PDGFA: variants seen among roughly 807,000 people sequenced by gnomAD.
The protein encoded by PDGFA is platelet-derived growth factor subunit A.
PDGFA carries 9 observed loss-of-function variants against 25.6 expected under a neutral mutation model. The observed-to-expected ratio is 0.35, with a 90% CI of 0.21 to 0.61. The LOEUF is 0.61. PDGFA is among the 20% of genes least tolerant of loss of function. The pLI is 0.75. For synonymous variants in PDGFA, 133 were observed against 111.8 expected, an observed-to-expected ratio of 1.19 and a Z score of -1.20; for missense variants, 242 against 272.8, an observed-to-expected ratio of 0.89 and a Z score of 0.79.
chr7:500,032 A>C lies in PDGFA; in HGVS notation c.580+1084T>G, dbSNP rs1296126831. 6.6e-6 allele frequency among the ~76,000 whole-genome samples: 1 copy of C among 152,200 alleles called. No individual in the cohort carries two copies. Among genetic ancestry groups the C allele is most frequent in the African/African-American group, 2.4e-5 (1 of 41,454 alleles). ...TTTCCAGATATATTCAGCCTCCAAC[A>C]GTCCTTATCTGTAATCTCAGTTAAG... On this transcript the variant is annotated intron_variant, in intron 5 of 5. Transcript: ENST00000402802. This position sits in a 1 kb window ranked among gnomAD's most constrained non-coding sequence, Gnocchi z 5.0.
intron 4 of PDGFA, 97 bp downstream of exon 4, chr7:510,712 G>A (rs1583151209): frequency 2.2e-6 from 1 of 459,850 alleles, no homozygotes; most frequent in Non-Finnish European, 3.8e-6. Context: ...GGGTGGGGAG[G>A]GGAGGGGAGG....
intron 4 of PDGFA, among the ~76,000 whole-genome samples, chr7:502,941 G>T (rs1312805511): frequency 6.6e-6 from 1 of 152,156 alleles, no homozygotes; most frequent in East Asian, 1.9e-4. Context: ...AATGTACACA[G>T]GGGCCCCATC....
At chr7:498,312 CTCTCTCTCTT>C (rs1782185926) in exon 6 of PDGFA, 7 of 484,090 alleles carry the variant, frequency 1.4e-5, no homozygotes, top group Admixed American at 3.6e-5. Context: ...GTTTTGTTTT[CTCTCTCTCTT>C]TCTCTCTCTC....
At chr7:501,600 T>G (rs1219316813) in intron 4 of PDGFA, among the ~76,000 whole-genome samples, 1 of 152,014 alleles carries the variant, frequency 6.6e-6, no homozygotes, top group African/African-American at 2.4e-5. Context: ...ATTTTTTTTG[T>G]GTGGAAGAGA....
chr7:513,644 T>C (rs4072009), intron 2 of PDGFA, among the ~76,000 whole-genome samples: 105,692 of 151,682 alleles, frequency 0.7, 38,269 homozygotes, highest in Non-Finnish European at 0.81. Context: ...CGGTCACCAA[T>C]CCAGACGGCT....
intron 2 of PDGFA, chr7:512,717 C>T: frequency 1.5e-6 from 2 of 1,346,346 alleles, no homozygotes; most frequent in Non-Finnish European, 1.9e-6. Context: ...ATTCAGGGGC[C>T]CGTGACGAAG....
chr7:511,066 G>A (rs1396947706), intron 3 of PDGFA, 70 bp from the exon 4 acceptor site: 33 of 1,280,548 alleles, frequency 2.6e-5, no homozygotes, highest in East Asian at 4.8e-5. Flanking sequence ...GGGCTGAGGC[G>A]GCTCCAGCTG....
intron 1 of PDGFA, chr7:518,618 C>T (rs1328429975): frequency 1.5e-5 from 5 of 325,450 alleles, no homozygotes; most frequent in Non-Finnish European, 5.6e-6. Context: ...CTTCCCCGCT[C>T]CCCGCACCCC....
Position 500,637 on chromosome 7 carries a change from GT to G in PDGFA, c.580+478del. ...CACCCTGGCACCGAGAAACTTCTGA[GT>G]CCCCTCATGCTCCCAGGGCCCAGCC... is the stretch of plus-strand genomic sequence containing the variant. On this transcript the variant is annotated intron_variant, in intron 5 of 5. Coordinates refer to ENST00000402802, the Ensembl canonical transcript of PDGFA. The surrounding 1 kb of genome is among the most constrained non-coding windows in gnomAD (Gnocchi z 5.0). The G allele has an allele frequency of 6.7e-7, 1 of 1,490,712 alleles. No individual in the cohort carries two copies. Among genetic ancestry groups the G allele is most frequent in the East Asian group, 2.4e-5 (1 of 40,952 alleles). The allele number at this position is 1,490,712 out of a possible 1,614,324, so 92.3% of individuals were successfully genotyped here.
chr7:514,299 AC>A (rs1358436523), intron 2 of PDGFA, among the ~76,000 whole-genome samples: 1 of 151,996 alleles, frequency 6.6e-6, no homozygotes, highest in Non-Finnish European at 1.5e-5. Flanking sequence ...GTGCCCCGCC[AC>A]CCTCTAGCCC....
At chr7:519,906 CCG>C (rs1562495866), upstream of PDGFA, 1 of 31,954 alleles carries the variant, frequency 3.1e-5, no homozygotes, top group African/African-American at 1.0e-4. Context: ...TCCCCCGCCC[CCG>C]CCCCCGCCCC....
chr7:505,771 G>A (rs576176587), intron 4 of PDGFA, among the ~76,000 whole-genome samples: 7 of 152,142 alleles, frequency 4.6e-5, no homozygotes, highest in Admixed American at 1.3e-4. Flanking sequence ...CCTCTTTCAC[G>A]GAAAGAAAGC....
chr7:519,999 C>T (rs1783304636), upstream of PDGFA: 2 of 370,118 alleles, frequency 5.4e-6, no homozygotes, highest in Non-Finnish European at 1.1e-5. Context: ...CGGCAGGGCC[C>T]GGGCGCCGCC....
intron 4 of PDGFA, among the ~76,000 whole-genome samples, chr7:507,733 C>T (rs1782620726): frequency 6.6e-6 from 1 of 152,174 alleles, no homozygotes; most frequent in Admixed American, 6.5e-5. Context: ...AGGGAGGATG[C>T]CAAGGCCCAC....
At chr7:501,743 G>A (rs910477844) in intron 4 of PDGFA, among the ~76,000 whole-genome samples, 1 of 152,148 alleles carries the variant, frequency 6.6e-6, no homozygotes, top group Admixed American at 6.6e-5. Flanking sequence ...GTATTTAGCA[G>A]ACTCATCCTA....
At chr7:510,396 C>T (rs976999889) in intron 4 of PDGFA, among the ~76,000 whole-genome samples, 9 of 151,674 alleles carry the variant, frequency 5.9e-5, no homozygotes, top group Non-Finnish European at 1.2e-4. Flanking sequence ...AGGGGCGACC[C>T]TCAGGCCTGC....
chr7:510,332 C>T (rs1282142171), intron 4 of PDGFA, among the ~76,000 whole-genome samples: 1 of 151,986 alleles, frequency 6.6e-6, no homozygotes, highest in East Asian at 2.0e-4. Flanking sequence ...GCACCCCCAC[C>T]AGCCACACCA....
chr7:503,120 T>C (rs1215523953), intron 4 of PDGFA, among the ~76,000 whole-genome samples: 1 of 152,070 alleles, frequency 6.6e-6, no homozygotes, highest in Non-Finnish European at 1.5e-5. Flanking sequence ...GACTGGCACC[T>C]CCATTTACAG....
intron 1 of PDGFA, among the ~76,000 whole-genome samples, chr7:518,130 A>C (rs985388288): frequency 9.2e-5 from 14 of 152,090 alleles, no homozygotes; most frequent in African/African-American, 3.4e-4. Flanking sequence ...CCGGGAGAAG[A>C]AGCCTCCAGG....
Sources: gnomAD v4.1 joint callset for allele counts (sites outside exome capture counted in the v4.1 genomes callset) on GRCh38, gnomAD v4.1.1 for gene constraint, Gnocchi (gnomAD v3.1) non-coding constraint, MANE v1.5 for transcripts, NCBI Gene and HGNC (gene_info 2026-07-23, HGNC 2026-07-21) for gene names.